Variants in ARID1B observed in about 807,000 individuals in gnomAD.
ARID1B encodes the protein AT-rich interactive domain-containing protein 1B.
A neutral mutation model predicts 212.3 loss-of-function variants in ARID1B; 30 were observed. The observed-to-expected ratio is 0.14, with a 90% CI of 0.11 to 0.19. The LOEUF is 0.19. Among genes scored for constraint, ARID1B ranks in the 10% least tolerant of loss-of-function variants. ARID1B has a pLI of 1.00. For synonymous variants in ARID1B, 1,402 were observed against 1,301.7 expected (o/e 1.08, Z -1.66); for missense variants, 2,891 against 3,204.0 (o/e 0.90, Z 2.36).
chr6:156,854,113 T>G (rs1373378003), intron 2 of ARID1B, among the ~76,000 whole-genome samples: 2 of 152,222 alleles, frequency 1.3e-5, no homozygotes, highest in African/African-American at 4.8e-5. Context: ...AACAAACTTT[T>G]TTTGGTGAGA....
chr6:156,897,180 T>TTGC (rs1361255739), intron 2 of ARID1B, among the ~76,000 whole-genome samples: 9 of 145,850 alleles, frequency 6.2e-5, no homozygotes, highest in Non-Finnish European at 1.5e-5. Flanking sequence ...AATTCTTCTT[T>TTGC]TGCTGCTGCT....
intron 7 of ARID1B, among the ~76,000 whole-genome samples, chr6:157,136,929 G>A (rs1054242065): frequency 3.9e-5 from 6 of 151,944 alleles, no homozygotes; most frequent in South Asian, 2.1e-4. Flanking sequence ...CATAATCTCA[G>A]CACTTTGAGA....
chr6:157,137,878 G>C (rs150358517), intron 7 of ARID1B, among the ~76,000 whole-genome samples: 23 of 152,084 alleles, frequency 1.5e-4, no homozygotes, highest in African/African-American at 4.6e-4. Context: ...CTTTGGTAAA[G>C]GTGTTTTTCA....
At chr6:157,188,865 G>A (rs141487733) in intron 13 of ARID1B, among the ~76,000 whole-genome samples, 4 of 152,140 alleles carry the variant, frequency 2.6e-5, no homozygotes, top group African/African-American at 9.7e-5. Context: ...TTCCCTCAAG[G>A]TGAGGTTAAT....
intron 5 of ARID1B, among the ~76,000 whole-genome samples, chr6:157,098,779 G>T (rs1457977946): frequency 5.3e-5 from 8 of 152,154 alleles, no homozygotes; most frequent in African/African-American, 1.9e-4. Context: ...CCTGAGTGGA[G>T]TGGCAAGTGC....
intron 6 of ARID1B, among the ~76,000 whole-genome samples, chr6:157,131,849 C>T (rs1788572099): frequency 6.6e-6 from 1 of 152,060 alleles, no homozygotes; most frequent in African/African-American, 2.4e-5. Context: ...TGCCACCGTG[C>T]CCGGCTAATT....
intron 4 of ARID1B, among the ~76,000 whole-genome samples, chr6:157,076,268 T>C (rs957395145): frequency 1.3e-5 from 2 of 152,044 alleles, no homozygotes; most frequent in African/African-American, 4.8e-5. Context: ...CTCCACACAA[T>C]TTGTGAGTTG....
chr6:156,889,944 TAAAGGA>T (rs1241956796), intron 2 of ARID1B, among the ~76,000 whole-genome samples: 2 of 152,198 alleles, frequency 1.3e-5, no homozygotes, highest in African/African-American at 4.8e-5. Context: ...TTATGAAAAC[TAAAGGA>T]TGTACCAGTT....
At chr6:156,824,936 C>G (rs1027414614) in intron 1 of ARID1B, among the ~76,000 whole-genome samples, 1 of 151,694 alleles carries the variant, frequency 6.6e-6, no homozygotes, top group African/African-American at 2.4e-5. Flanking sequence ...ACGATCTTGG[C>G]TCACTGCAAC....
At chr6:156,874,539 C>T (rs1010679775) in intron 2 of ARID1B, among the ~76,000 whole-genome samples, 1 of 152,134 alleles carries the variant, frequency 6.6e-6, no homozygotes, top group Admixed American at 6.5e-5. Context: ...TTACACATTT[C>T]CCCCAAACTA....
rs1461781773 is a variant in ARID1B, at chr6:156,778,475, G to A, written c.795G>A (p.Pro265=). 3.8e-6 allele frequency: 5 copies of A among 1,301,968 alleles called. No homozygotes were observed. Among genetic ancestry groups the A allele is most frequent in the Middle Eastern group, 2.7e-4 (1 of 3,676 alleles). 80.7% of individuals were successfully genotyped at this position (1,301,968 alleles called of 1,614,324 possible). Residue 265 remains proline (P), a synonymous_variant, in exon 1 of 20, where the codon CCG becomes CCA. Transcript: ENST00000636930. ...CGGGCCCGCCGCTGCTGAGCAAGCC[G>A]GGCGACGAGGACGACGCGCCGCCCA... ...DPPGPPLLSK[P]GDEDDAPPKM...
intron 7 of ARID1B, among the ~76,000 whole-genome samples, chr6:157,144,526 A>T (rs760513488): frequency 6.6e-6 from 1 of 152,270 alleles, no homozygotes; most frequent in Non-Finnish European, 1.5e-5. Flanking sequence ...TTTTAATAAA[A>T]GCAAGAGCTA....
At chr6:157,062,818 C>T (rs1783434838) in intron 4 of ARID1B, among the ~76,000 whole-genome samples, 1 of 151,560 alleles carries the variant, frequency 6.6e-6, no homozygotes, top group Admixed American at 6.6e-5. Flanking sequence ...ATTCTCCTGC[C>T]TCAGCCTCCC....
chr6:156,969,632 A>G (rs780659508), intron 4 of ARID1B, among the ~76,000 whole-genome samples: 2 of 152,254 alleles, frequency 1.3e-5, no homozygotes, highest in African/African-American at 2.4e-5. Context: ...GAGCCAAGCT[A>G]CTTAACCACT....
At chr6:156,975,140 C>T (rs1008875182) in intron 4 of ARID1B, among the ~76,000 whole-genome samples, 4 of 152,172 alleles carry the variant, frequency 2.6e-5, no homozygotes, top group Non-Finnish European at 5.9e-5. Context: ...TTCTTATAAG[C>T]GGTGTTCCTC....
chr6:157,115,337 C>T (rs1280174021), intron 6 of ARID1B, among the ~76,000 whole-genome samples: 1 of 152,180 alleles, frequency 6.6e-6, no homozygotes. Context: ...GGGCTCTCTA[C>T]TCTCTTACAT....
chr6:157,090,793 G>A (rs912627140), intron 5 of ARID1B, among the ~76,000 whole-genome samples: 8 of 152,290 alleles, frequency 5.3e-5, no homozygotes, highest in Admixed American at 1.3e-4. Context: ...CTGTGAAGCC[G>A]GGAGGCACAG....
chr6:157,022,826 A>G (rs377486025), intron 4 of ARID1B: 1 of 152,228 alleles, frequency 6.6e-6, no homozygotes, highest in Non-Finnish European at 1.5e-5. Context: ...TTAATTGATG[A>G]TCCATTATAA....
At chr6:157,096,725 G>T (rs1583299591) in intron 5 of ARID1B, among the ~76,000 whole-genome samples, 1 of 152,278 alleles carries the variant, frequency 6.6e-6, no homozygotes, top group South Asian at 2.1e-4. Context: ...ACTGCCACCC[G>T]CCTGGACCTC....
Sources: gnomAD v4.1 joint callset for allele counts (sites outside exome capture counted in the v4.1 genomes callset) on GRCh38, gnomAD v4.1.1 for gene constraint, MANE v1.5 for transcripts, NCBI Gene and HGNC (gene_info 2026-07-23, HGNC 2026-07-21) for gene names.